The following NAV2 variants were observed in gnomAD, a reference collection of about 807,000 sequenced individuals.
NAV2 encodes the protein helicase, APC down-regulated 1.
A neutral mutation model predicts 223.2 loss-of-function variants in NAV2; 54 were observed. The ratio of observed to expected loss-of-function variants is 0.24; its 90% CI spans 0.19 to 0.30. The LOEUF is 0.30. Among genes scored for constraint, NAV2 ranks in the 10% least tolerant of loss-of-function variants. NAV2 has a pLI of 1.00. For synonymous variants in NAV2, 1,279 were observed against 1,239.3 expected, an observed-to-expected ratio of 1.03 and a Z score of -0.67; for missense variants, 2,806 against 3,147.5, an observed-to-expected ratio of 0.89 and a Z score of 2.60.
At chr11:20,036,225 C>T (rs2056357985) in intron 12 of NAV2, 128 bp downstream of exon 12, 1 of 1,044,494 alleles carries the variant, frequency 9.6e-7, no homozygotes, top group Non-Finnish European at 1.4e-6. Flanking sequence ...GCCCAGCCTC[C>T]TGCCGCCTCT....
At chr11:19,506,490 A>G (rs1412439470) in intron 1 of NAV2, 1 of 152,230 alleles carries the variant, frequency 6.6e-6, no homozygotes, top group African/African-American at 2.4e-5. Context: ...CTGAGCCTCA[A>G]TGTCCTCAAC....
chr11:19,718,547 T>C (rs1156896529), intron 1 of NAV2, among the ~76,000 whole-genome samples: 5 of 152,200 alleles, frequency 3.3e-5, no homozygotes, highest in Non-Finnish European at 7.3e-5. Context: ...CTTTGCTCCA[T>C]TGTGTTTTGA....
At chr11:19,870,316 C>A (rs1838053) in intron 4 of NAV2, among the ~76,000 whole-genome samples, 6 of 151,988 alleles carry the variant, frequency 3.9e-5, no homozygotes, top group African/African-American at 9.7e-5. Context: ...ACATGATTTC[C>A]TCCTGGTAGA....
At chr11:19,383,843 T>C (rs1590092427) in intron 1 of NAV2, among the ~76,000 whole-genome samples, 4 of 152,226 alleles carry the variant, frequency 2.6e-5, no homozygotes, top group Admixed American at 2.6e-4. Context: ...CGTCAAAACC[T>C]AAATGTTTGT....
chr11:19,379,175 A>G (rs1228212333), intron 1 of NAV2, among the ~76,000 whole-genome samples: 3 of 152,092 alleles, frequency 2.0e-5, no homozygotes, highest in Admixed American at 6.5e-5. Flanking sequence ...GCTGGTGGTG[A>G]GGAGATTGGA....
chr11:19,593,804 C>G (rs964854100), intron 1 of NAV2, among the ~76,000 whole-genome samples: 3 of 152,112 alleles, frequency 2.0e-5, no homozygotes, highest in Non-Finnish European at 4.4e-5. Flanking sequence ...TGATGTTGAA[C>G]ATTTTTTCAC....
upstream of NAV2, among the ~76,000 whole-genome samples, chr11:19,709,546 CAAAAA>C (rs3043492): frequency 3.2e-5 from 2 of 63,154 alleles, no homozygotes; most frequent in African/African-American, 6.4e-5. Context: ...GACTCCGTCT[CAAAAA>C]AAAAAAAAAA....
At chr11:19,513,815 A>T (rs1244559628) in intron 1 of NAV2, among the ~76,000 whole-genome samples, 1 of 152,198 alleles carries the variant, frequency 6.6e-6, no homozygotes, top group East Asian at 1.9e-4. Flanking sequence ...AGAGACACAC[A>T]TGGGATGGGC....
chr11:19,369,646 G>T (rs1848406146), intron 1 of NAV2, among the ~76,000 whole-genome samples: 1 of 152,108 alleles, frequency 6.6e-6, no homozygotes, highest in African/African-American at 2.4e-5. Context: ...TTTTATTGTA[G>T]AATGAAATGC....
intron 1 of NAV2, among the ~76,000 whole-genome samples, chr11:19,667,962 C>T (rs1332652493): frequency 6.6e-6 from 1 of 152,144 alleles, no homozygotes; most frequent in Non-Finnish European, 1.5e-5. Flanking sequence ...GTCCACTGCC[C>T]TTATACTTCT....
At chr11:19,886,607 G>A (rs1458829795) in intron 5 of NAV2, among the ~76,000 whole-genome samples, 1 of 152,214 alleles carries the variant, frequency 6.6e-6, no homozygotes, top group African/African-American at 2.4e-5. Flanking sequence ...GAGCTGGGAG[G>A]AAACCTGAAA....
intron 1 of NAV2, among the ~76,000 whole-genome samples, chr11:19,776,148 A>G (rs1291973067): frequency 2.6e-5 from 4 of 152,208 alleles, no homozygotes; most frequent in Non-Finnish European, 5.9e-5. Flanking sequence ...TTTCCATCCT[A>G]GGATGTCATG....
At chr11:20,095,835 G>C in intron 30 of NAV2, 68 bp downstream of exon 30, 7 of 1,185,368 alleles carry the variant, frequency 5.9e-6, no homozygotes, top group Non-Finnish European at 8.9e-6. Flanking sequence ...GGGAGGAAAA[G>C]AGAGGTTGAT....
intron 25 of NAV2, among the ~76,000 whole-genome samples, chr11:20,081,426 T>C (rs2060085064): frequency 6.6e-6 from 1 of 152,262 alleles, no homozygotes. Flanking sequence ...AACGTGCTTA[T>C]GTTGCTTTAA....
chr11:19,892,427 A>G lies in NAV2; in HGVS notation c.771-7A>G, dbSNP rs746101457. The G allele has an allele frequency of 1.6e-5, 26 of 1,612,896 alleles. No individual in the cohort carries two copies. Among genetic ancestry groups the G allele is most frequent in the Non-Finnish European group, 2.1e-5 (25 of 1,179,568 alleles). On this transcript the variant is annotated splice_region_variant and splice_polypyrimidine_tract_variant and intron_variant, in intron 5 of 37. Transcript: ENST00000349880. ...GAATGCATTATCCTGTTGCTTTTGCATTTTAGACTTCCAGGTCCTACCGCG... is the reference window on the plus strand; with the variant it reads ...GAATGCATTATCCTGTTGCTTTTGCGTTTTAGACTTCCAGGTCCTACCGCG...
At chr11:19,606,745 G>A (rs1438812499) in intron 1 of NAV2, among the ~76,000 whole-genome samples, 1 of 152,240 alleles carries the variant, frequency 6.6e-6, no homozygotes, top group Non-Finnish European at 1.5e-5. Context: ...CATCATGGAA[G>A]CAGACAGAAG....
At chr11:19,825,056 G>T (rs954648988) in intron 1 of NAV2, among the ~76,000 whole-genome samples, 12 of 152,004 alleles carry the variant, frequency 7.9e-5, no homozygotes, top group African/African-American at 2.9e-4. Flanking sequence ...ACTTTGGGAG[G>T]CTGAGGAGGG....
At chr11:20,103,070 C>G (rs891022994) in intron 32 of NAV2, among the ~76,000 whole-genome samples, 185 bp from the exon 33 acceptor site, 2 of 152,214 alleles carry the variant, frequency 1.3e-5, no homozygotes, top group Non-Finnish European at 2.9e-5. Flanking sequence ...CATGCCCACT[C>G]TGCATCCCCT....
At position 20,091,021 on chromosome 11, in the gene NAV2, G is replaced by A. The variant is rs2060804740; in HGVS notation, c.5652+3G>A. ...GGGAGGCCATGAACAGGATGCAGGT[G>A]AGAGCCCAGGAGCATGGGCTGAGCT... On this transcript the variant is annotated splice_donor_region_variant and intron_variant, in intron 27 of 37. Coordinates refer to ENST00000349880, the MANE Select transcript of NAV2 (RefSeq NM_145117.5). 6.2e-7 allele frequency: 1 copy of A among 1,612,490 alleles called. No homozygotes were observed. The highest frequency in any genetic ancestry group is 1.1e-5 in the South Asian group (1 of 91,024).
Sources: allele counts gnomAD v4.1 joint callset (sites outside exome capture counted in the v4.1 genomes callset), GRCh38; gene constraint gnomAD v4.1.1; transcripts MANE v1.5; gene names NCBI Gene and HGNC (gene_info 2026-07-23, HGNC 2026-07-21).